Variants in SHLD1 observed in about 807,000 individuals in gnomAD.
SHLD1 encodes the protein RINN1-REV7-interacting novel NHEJ regulator 3.
Under a neutral mutation model 5.5 loss-of-function variants are expected in SHLD1, and 3 were observed. The observed-to-expected ratio is 0.54, with a 90% confidence interval of 0.25 to 1.40. SHLD1 has a LOEUF of 1.40. SHLD1 is among the 40% of genes most tolerant of loss of function. The pLI is 0.15. For missense variants in SHLD1, 210 were observed against 244.4 expected, an observed-to-expected ratio of 0.86 and a Z score of 0.94; for synonymous variants, 92 against 94.3, an observed-to-expected ratio of 0.98 and a Z score of 0.14.
chr20:5,776,868 A>C (rs768623714), intron 2 of SHLD1, among the ~76,000 whole-genome samples: 1 of 152,072 alleles, frequency 6.6e-6, no homozygotes, highest in African/African-American at 2.4e-5. Flanking sequence ...TGCTCTCTGC[A>C]TACTCCACAC....
intron 2 of SHLD1, among the ~76,000 whole-genome samples, chr20:5,851,147 T>G (rs2088003683): frequency 6.6e-6 from 1 of 152,142 alleles, no homozygotes; most frequent in Non-Finnish European, 1.5e-5. Context: ...AACACAAATC[T>G]TCAGGAAAGA....
In SHLD1 at chr20:5,793,569, C is replaced by T. The variant is rs535031270; in HGVS notation, c.178+20526C>T. On this transcript the variant is annotated intron_variant, in intron 2 of 2. Transcript: ENST00000303142. The stretch of plus-strand genomic sequence containing the variant: ...CTTTCCAAGATTATATAAATAGGCA[C>T]CTCCATTTCTTAGTATTTTTAAAAG... 3.9e-5 allele frequency among the ~76,000 whole-genome samples: 6 copies of T among 152,236 alleles called. No individual in the cohort carries two copies. The East Asian group carries it at 1.2e-3, about 29-fold the overall frequency.
At chr20:5,837,389 C>T (rs1422143679) in intron 2 of SHLD1, among the ~76,000 whole-genome samples, 1 of 152,146 alleles carries the variant, frequency 6.6e-6, no homozygotes, top group Admixed American at 6.5e-5. Context: ...TGGTTTGCTG[C>T]ACACATCATC....
intron 2 of SHLD1, among the ~76,000 whole-genome samples, chr20:5,820,104 T>C (rs1269546331): frequency 6.6e-6 from 1 of 152,202 alleles, no homozygotes; most frequent in Non-Finnish European, 1.5e-5. Flanking sequence ...TGTGCCACCA[T>C]GCCTGGCTGA....
intron 2 of SHLD1, among the ~76,000 whole-genome samples, chr20:5,845,421 G>C (rs1181885450): frequency 1.3e-5 from 2 of 152,148 alleles, no homozygotes; most frequent in African/African-American, 4.8e-5. Context: ...CAAACTCAAG[G>C]CTTCTTCCCA....
At chr20:5,837,465 A>T (rs1352645648) in intron 2 of SHLD1, among the ~76,000 whole-genome samples, 2 of 140,582 alleles carry the variant, frequency 1.4e-5, no homozygotes, top group Non-Finnish European at 3.1e-5. Context: ...CTCCCCCCAC[A>T]CACCCCCCAC....
At chr20:5,764,217 G>GTA (rs1436612762) in intron 1 of SHLD1, among the ~76,000 whole-genome samples, 127 of 115,314 alleles carry the variant, frequency 1.1e-3, no homozygotes, top group Middle Eastern at 8.6e-3. Context: ...ATTTGTGTGT[G>GTA]TGTATATATA....
chr20:5,859,010 A>G (rs2088125343), intron 2 of SHLD1, among the ~76,000 whole-genome samples: 1 of 152,210 alleles, frequency 6.6e-6, no homozygotes, highest in African/African-American at 2.4e-5. Context: ...GGCAAGTTCC[A>G]TTCAATTTAA....
chr20:5,805,135 T>G (rs1403154813), intron 2 of SHLD1, among the ~76,000 whole-genome samples: 1 of 151,342 alleles, frequency 6.6e-6, no homozygotes, highest in Non-Finnish European at 1.5e-5. Flanking sequence ...CTCCTTAATC[T>G]TCTTTATCAA....
chr20:5,759,582 G>C (rs1984342547), intron 1 of SHLD1, among the ~76,000 whole-genome samples: 1 of 152,042 alleles, frequency 6.6e-6, no homozygotes, highest in African/African-American at 2.4e-5. Context: ...TGCTCAGGCT[G>C]GAGTGCAGTG....
rs2088074080 is a variant in SHLD1, at chr20:5,855,693, C to T, written c.179-7331C>T. Among the ~76,000 whole-genome samples, 1 of 152,082 alleles carries T rather than the reference C, an allele frequency of 6.6e-6. No individual in the cohort carries two copies. The highest frequency in any genetic ancestry group is 1.5e-5 in the Non-Finnish European group (1 of 68,014). On this transcript the variant is annotated intron_variant, in intron 2 of 2. Transcript: ENST00000303142. This position sits in a 1 kb window ranked among gnomAD's most constrained non-coding sequence, Gnocchi z 4.4. Reference sequence around the variant, plus strand: ...GGCCTGCCAACCACATTTTATTTATCCATTTATCTGTTGATAGCTGGGTTG... The same window carrying T: ...GGCCTGCCAACCACATTTTATTTATTCATTTATCTGTTGATAGCTGGGTTG...
intron 2 of SHLD1, among the ~76,000 whole-genome samples, chr20:5,826,190 C>T (rs1328914970): frequency 4.6e-5 from 7 of 152,168 alleles, no homozygotes; most frequent in Non-Finnish European, 8.8e-5. Context: ...TTATTGTTTG[C>T]AGATGGTAAC....
intron 2 of SHLD1, among the ~76,000 whole-genome samples, chr20:5,846,835 G>A (rs574630836): frequency 6.6e-6 from 1 of 152,174 alleles, no homozygotes; most frequent in Non-Finnish European, 1.5e-5. Context: ...GTTAGGTTCC[G>A]ATCCTTTAAC....
chr20:5,859,054 G>C (rs2088126015), intron 2 of SHLD1, among the ~76,000 whole-genome samples: 1 of 152,068 alleles, frequency 6.6e-6, no homozygotes, highest in Admixed American at 6.6e-5. Context: ...AGGGCCAATG[G>C]TTTTCCCCCT....
At chr20:5,835,195 G>A (rs946141747) in intron 2 of SHLD1, among the ~76,000 whole-genome samples, 5 of 152,166 alleles carry the variant, frequency 3.3e-5, no homozygotes, top group African/African-American at 4.8e-5. Flanking sequence ...GTTGAGCTGG[G>A]AACAGACACA....
intron 2 of SHLD1, among the ~76,000 whole-genome samples, chr20:5,824,322 C>A (rs1211287402): frequency 6.6e-6 from 1 of 152,174 alleles, no homozygotes; most frequent in Non-Finnish European, 1.5e-5. Flanking sequence ...TCTTGCCTTC[C>A]CCATCCAACC....
intron 2 of SHLD1, among the ~76,000 whole-genome samples, chr20:5,799,234 C>T (rs936906836): frequency 1.3e-5 from 2 of 151,476 alleles, no homozygotes; most frequent in Non-Finnish European, 2.9e-5. Context: ...GCTAGCCTCA[C>T]TTCTGTTGCA....
chr20:5,784,527 T>C (rs976646786), intron 2 of SHLD1, among the ~76,000 whole-genome samples: 1 of 152,108 alleles, frequency 6.6e-6, no homozygotes, highest in Non-Finnish European at 1.5e-5. Context: ...CTCGGCTCAC[T>C]GCAAGCTCCG....
chr20:5,775,790 G>T (rs1985394385), intron 2 of SHLD1, among the ~76,000 whole-genome samples: 2 of 152,062 alleles, frequency 1.3e-5, no homozygotes, highest in African/African-American at 4.8e-5. Flanking sequence ...GCACCTCCTT[G>T]TTGGGGAGGT....
Sources: gnomAD v4.1 joint callset for allele counts (sites outside exome capture counted in the v4.1 genomes callset) on GRCh38, gnomAD v4.1.1 for gene constraint, Gnocchi (gnomAD v3.1) non-coding constraint, MANE v1.5 for transcripts, NCBI Gene and HGNC (gene_info 2026-07-23, HGNC 2026-07-21) for gene names.